DOCK1: variants seen among roughly 807,000 people sequenced by gnomAD.
DOCK1 encodes dedicator of cytokinesis protein 1.
Under a neutral mutation model 262.7 loss-of-function variants are expected in DOCK1, and 138 were observed. That is an observed-to-expected ratio of 0.53 (90% CI 0.46 to 0.61). DOCK1 has a LOEUF of 0.61. Among genes scored for constraint, DOCK1 ranks in the 20% least tolerant of loss-of-function variants. The probability of loss-of-function intolerance (pLI) is 0.00; values close to 1 mark genes in which losing one functional copy is unlikely to be tolerated. For missense variants in DOCK1, 1,908 were observed against 2,370.7 expected (o/e 0.80, Z 4.05); for synonymous variants, 866 against 867.4 (o/e 1.00, Z 0.03).
chr10:127,023,116 G>A (rs2042561634), intron 13 of DOCK1, 84 bp from the exon 14 acceptor site: 1 of 1,439,506 alleles, frequency 6.9e-7, no homozygotes, highest in South Asian at 1.3e-5. Flanking sequence ...TAATCTATGA[G>A]GATAGGTAGA....
intron 27 of DOCK1, among the ~76,000 whole-genome samples, chr10:127,142,295 G>C (rs774031481): frequency 1.8e-4 from 27 of 152,200 alleles, no homozygotes; most frequent in Non-Finnish European, 3.8e-4. Context: ...GGTTTCTGAG[G>C]ACTCTGGCTG....
At chr10:127,448,378 T>C (rs928637245) in intron 51 of DOCK1, among the ~76,000 whole-genome samples, 4 of 152,298 alleles carry the variant, frequency 2.6e-5, no homozygotes, top group African/African-American at 9.6e-5. Context: ...AACAAGCACC[T>C]CAGTTACCAG....
At chr10:127,401,596 G>T (rs1447909610) in intron 38 of DOCK1, among the ~76,000 whole-genome samples, 4 of 152,082 alleles carry the variant, frequency 2.6e-5, no homozygotes, top group Non-Finnish European at 5.9e-5. Context: ...CAATTCACAT[G>T]CTTGGGCCCA....
chr10:127,426,433 C>T (rs551420829), intron 47 of DOCK1, among the ~76,000 whole-genome samples: 2 of 152,324 alleles, frequency 1.3e-5, no homozygotes, highest in East Asian at 3.9e-4. Flanking sequence ...AGAGGTAGCC[C>T]AGCCCAAGGT....
intron 23 of DOCK1, among the ~76,000 whole-genome samples, chr10:127,080,741 CTTTA>C (rs1564788453): frequency 1.3e-5 from 2 of 152,126 alleles, no homozygotes; most frequent in African/African-American, 4.8e-5. Flanking sequence ...TATAAATCAG[CTTTA>C]TTTATTTTGT....
chr10:127,431,773 C>T (rs1329527599), intron 47 of DOCK1, among the ~76,000 whole-genome samples: 2 of 152,194 alleles, frequency 1.3e-5, no homozygotes, highest in Admixed American at 6.5e-5. Flanking sequence ...GCTGTCGTGG[C>T]AGCGCGTGCT....
Position 127,032,133 on chromosome 10 carries a change from A to G in DOCK1, c.1729-4A>G, listed in dbSNP as rs763321050. The G allele has an allele frequency of 1.9e-6, 3 of 1,583,572 alleles. No homozygotes were observed. Among genetic ancestry groups the G allele is most frequent in the Non-Finnish European group, 2.6e-6 (3 of 1,164,594 alleles). On this transcript the variant is annotated splice_polypyrimidine_tract_variant and splice_region_variant and intron_variant, in intron 17 of 51. Coordinates refer to ENST00000623213, the MANE Select transcript of DOCK1 (RefSeq NM_001290223.2). ...TTTGACATACGGCATGACTAAATCC[A>G]CAGGCCGAAGCAAAGAAGCTGGAAG...
intron 31 of DOCK1, among the ~76,000 whole-genome samples, chr10:127,349,992 A>T (rs556208844): frequency 4.9e-4 from 74 of 152,272 alleles, no homozygotes; most frequent in African/African-American, 1.7e-3. Flanking sequence ...GGTCACAGTC[A>T]TGGATACCAG....
rs546961517 is a variant in DOCK1, at chr10:127,325,036, G to A, written c.3045-13970G>A. On this transcript the variant is annotated intron_variant, in intron 29 of 51. Coordinates refer to ENST00000623213, the MANE Select transcript of DOCK1 (RefSeq NM_001290223.2). Reference sequence around the variant, plus strand: ...CACACATCCAATCCACGCACAGCCCGGGAGAGTCCCTGAAACATTTTAGCT... The same window carrying A: ...CACACATCCAATCCACGCACAGCCCAGGAGAGTCCCTGAAACATTTTAGCT... Among the ~76,000 whole-genome samples, 6 of 152,222 alleles carry A rather than the reference G, an allele frequency of 3.9e-5. No homozygotes were observed. The South Asian group carries it at 8.3e-4, about 21-fold the overall frequency.
intron 1 of DOCK1, among the ~76,000 whole-genome samples, chr10:126,942,313 G>A (rs1187073196): frequency 1.3e-5 from 2 of 152,130 alleles, no homozygotes; most frequent in African/African-American, 2.4e-5. Context: ...GTGAGCCACC[G>A]CGCCCAGCCG....
chr10:127,184,113 G>A (rs2133999172), intron 27 of DOCK1, among the ~76,000 whole-genome samples: 1 of 152,190 alleles, frequency 6.6e-6, no homozygotes, highest in East Asian at 1.9e-4. Context: ...GAGACCCAAG[G>A]GTGGCCTGGA....
At chr10:127,259,689 A>C (rs2059949808) in intron 29 of DOCK1, among the ~76,000 whole-genome samples, 1 of 152,078 alleles carries the variant, frequency 6.6e-6, no homozygotes, top group Non-Finnish European at 1.5e-5. Flanking sequence ...TGCTCTGACA[A>C]AGGTCAGGCG....
chr10:127,443,125 C>T (rs1244362165), intron 49 of DOCK1, among the ~76,000 whole-genome samples: 1 of 152,182 alleles, frequency 6.6e-6, no homozygotes, highest in Non-Finnish European at 1.5e-5. Context: ...TGTTTCTTGG[C>T]TGATAGAAGC....
intron 27 of DOCK1, among the ~76,000 whole-genome samples, chr10:127,234,206 A>G (rs748697244): frequency 1.1e-4 from 16 of 152,144 alleles, no homozygotes; most frequent in Non-Finnish European, 1.8e-4. Flanking sequence ...CTAGAAGCAG[A>G]ATTAAGACCT....
chr10:127,405,992 C>G (rs775796077), intron 40 of DOCK1, among the ~76,000 whole-genome samples: 15 of 152,122 alleles, frequency 9.9e-5, no homozygotes, highest in Non-Finnish European at 2.1e-4. Flanking sequence ...AAAAACAAAG[C>G]TGAAGGGTGG....
rs544779055 is a variant in DOCK1, at chr10:127,011,720, A to G, written c.1059-512A>G. Among the ~76,000 whole-genome samples the G allele has an allele frequency of 2.1e-3, 311 of 150,630 alleles. 1 individual carries two copies. Among genetic ancestry groups the G allele is most frequent in the African/African-American group, 7.3e-3 (298 of 40,920 alleles). ...CTTCTCACATGTAGTCACTTGAGGG[A>G]CTATTGTGTACGTAGTCCAGGAGGG... is the stretch of plus-strand genomic sequence containing the variant. On this transcript the variant is annotated intron_variant, in intron 11 of 51. Transcript: ENST00000623213.
intron 47 of DOCK1, among the ~76,000 whole-genome samples, chr10:127,430,162 C>G (rs563536863): frequency 4.4e-4 from 67 of 152,276 alleles, no homozygotes; most frequent in Non-Finnish European, 7.9e-4. Flanking sequence ...TGTGGTATCC[C>G]CTGGTGGTGC....
At chr10:127,139,154 T>C (rs2050984959) in intron 27 of DOCK1, among the ~76,000 whole-genome samples, 1 of 152,232 alleles carries the variant, frequency 6.6e-6, no homozygotes, top group Non-Finnish European at 1.5e-5. Flanking sequence ...TGATAATGCA[T>C]GAGCTCATAA....
intron 23 of DOCK1, among the ~76,000 whole-genome samples, chr10:127,092,823 A>T (rs1187421475): frequency 6.6e-6 from 1 of 152,194 alleles, no homozygotes; most frequent in Non-Finnish European, 1.5e-5. Context: ...TATTGGTCAG[A>T]AACAGAATGA....
Sources: allele counts gnomAD v4.1 joint callset (sites outside exome capture counted in the v4.1 genomes callset), GRCh38; gene constraint gnomAD v4.1.1; transcripts MANE v1.5; gene names NCBI Gene and HGNC (gene_info 2026-07-23, HGNC 2026-07-21).